The following ASCC3 variants were observed in gnomAD, a reference collection of about 807,000 sequenced individuals.
ASCC3 encodes activating signal cointegrator 1 complex subunit 3, also known as ASC-1 complex subunit P200.
In ASCC3, 158 loss-of-function variants were observed where a neutral mutation model predicts 256.3. The observed-to-expected ratio is 0.62, with a 90% CI of 0.54 to 0.70. ASCC3 has a LOEUF of 0.70. ASCC3 is among the 30% of genes least tolerant of loss of function. The pLI is 0.00. For synonymous variants in ASCC3, 948 were observed against 883.4 expected, an observed-to-expected ratio of 1.07 and a Z score of -1.30; for missense variants, 2,259 against 2,626.0, an observed-to-expected ratio of 0.86 and a Z score of 3.05.
chr6:100,766,909 G>A (rs886333771), intron 9 of ASCC3, among the ~76,000 whole-genome samples: 2 of 152,264 alleles, frequency 1.3e-5, no homozygotes, highest in Non-Finnish European at 2.9e-5. Flanking sequence ...TGTTTACACA[G>A]CTACATCACT....
In ASCC3 at chr6:100,841,594, T is replaced by C. The variant is rs188838206; in HGVS notation, c.801+6554A>G. Among the ~76,000 whole-genome samples the C allele has an allele frequency of 3.0e-4, 45 of 152,198 alleles. No homozygotes were observed. The East Asian group carries it at 7.7e-3, about 26-fold the overall frequency. On this transcript the variant is annotated intron_variant, in intron 4 of 41. Coordinates refer to ENST00000369162, the MANE Select transcript of ASCC3 (RefSeq NM_006828.4). ...AGATGATGGGGAAAAGCATTCTACA[T>C]GTCAGTACTATTAGAACACTAAACA...
chr6:100,711,465 G>A (rs1179880042), intron 13 of ASCC3, among the ~76,000 whole-genome samples: 10 of 152,166 alleles, frequency 6.6e-5, no homozygotes, highest in African/African-American at 1.4e-4. Context: ...GGTGGCTCAC[G>A]CCTGTAATCC....
chr6:100,586,238 A>C (rs533343885), intron 36 of ASCC3, among the ~76,000 whole-genome samples: 185 of 152,296 alleles, frequency 1.2e-3, no homozygotes, highest in African/African-American at 4.3e-3. Flanking sequence ...GGCTCCACCC[A>C]GTTCGAGCTT....
At chr6:100,569,533 C>T (rs928694088) in intron 36 of ASCC3, among the ~76,000 whole-genome samples, 1 of 152,084 alleles carries the variant, frequency 6.6e-6, no homozygotes. Context: ...CAGGACCCCA[C>T]CAACATGCCA....
intron 13 of ASCC3, among the ~76,000 whole-genome samples, chr6:100,689,534 T>C (rs990688935): frequency 6.6e-6 from 1 of 152,216 alleles, no homozygotes; most frequent in Non-Finnish European, 1.5e-5. Context: ...GTCTACCTAC[T>C]ACCCTTCCTG....
intron 34 of ASCC3, among the ~76,000 whole-genome samples, chr6:100,598,855 C>A (rs1265965884): frequency 6.6e-6 from 1 of 152,276 alleles, no homozygotes; most frequent in East Asian, 1.9e-4. Context: ...TACTATCTGA[C>A]AGTTTACAAA....
At chr6:100,661,296 T>C (rs1433064859) in intron 16 of ASCC3, among the ~76,000 whole-genome samples, 9 of 142,462 alleles carry the variant, frequency 6.3e-5, no homozygotes, top group Non-Finnish European at 1.4e-4. Flanking sequence ...GCTTCCAGGG[T>C]CTGCTATGTA....
At position 100,689,688 on chromosome 6, in the gene ASCC3, A is replaced by G. The variant is rs200438079; in HGVS notation, c.2152-9936T>C. ...TTATAATAGCTTGTAGGCTGAGTTA[A>G]TACTTTCCATTCACACCTTTATTAA... On this transcript the variant is annotated intron_variant, in intron 13 of 41. Coordinates refer to ENST00000369162, the MANE Select transcript of ASCC3 (RefSeq NM_006828.4). Among the ~76,000 whole-genome samples, 4 of 152,202 alleles carry G rather than the reference A, an allele frequency of 2.6e-5. No individual in the cohort carries two copies. The East Asian group carries it at 7.7e-4, about 29-fold the overall frequency.
chr6:100,631,491 G>T (rs1774544059), intron 25 of ASCC3, among the ~76,000 whole-genome samples: 1 of 151,456 alleles, frequency 6.6e-6, no homozygotes, highest in Non-Finnish European at 1.5e-5. Flanking sequence ...AGCATCAGAG[G>T]TATTTTCCTC....
chr6:100,730,095 A>G (rs1478316960), intron 10 of ASCC3, among the ~76,000 whole-genome samples: 1 of 152,018 alleles, frequency 6.6e-6, no homozygotes, highest in African/African-American at 2.4e-5. Context: ...ACTTGAGGTC[A>G]GGAGTTTGAC....
chr6:100,875,557 A>ACC (rs1315217238), intron 1 of ASCC3, among the ~76,000 whole-genome samples: 1 of 152,176 alleles, frequency 6.6e-6, no homozygotes, highest in Non-Finnish European at 1.5e-5. Flanking sequence ...ATACATATAA[A>ACC]CAACATTTTG....
intron 10 of ASCC3, among the ~76,000 whole-genome samples, chr6:100,757,097 A>G (rs9390675): frequency 0.35 from 52,806 of 152,074 alleles, 10,777 homozygotes; most frequent in Middle Eastern, 0.53. Context: ...GTCCAATTTC[A>G]AAATTAAAAT....
intron 13 of ASCC3, among the ~76,000 whole-genome samples, chr6:100,685,464 A>C (rs1468830575): frequency 6.6e-6 from 1 of 152,190 alleles, no homozygotes; most frequent in Non-Finnish European, 1.5e-5. Context: ...CATCAGCAGC[A>C]GCAGCAGTGT....
Position 100,512,794 on chromosome 6 carries a change from T to A in ASCC3, c.6200A>T (p.Asp2067Val). Residue 2067 changes from aspartate (D) to valine (V), a missense_variant, in exon 40 of 42, where the codon GAT becomes GTT. This residue lies in a region of ASCC3 where 1,839 missense variants were observed against 2,206.7 expected (regional missense o/e 0.83). Coordinates refer to ENST00000369162, the MANE Select transcript of ASCC3 (RefSeq NM_006828.4). ...ATGCAATTTGATCCATTTGTTGTCA[T>A]CTCGTTTGTCTGCAGTCAGAGTTGA... ...SVSTLTADKR[D>V]DNKWIKLHAD... 6.2e-7 allele frequency: 1 copy of A among 1,614,154 alleles called. No individual in the cohort carries two copies.
chr6:100,585,305 C>A (rs1235169572), intron 36 of ASCC3, among the ~76,000 whole-genome samples: 1 of 152,098 alleles, frequency 6.6e-6, no homozygotes, highest in Non-Finnish European at 1.5e-5. Context: ...CTCTAAACTT[C>A]CCTTCTCGCT....
At chr6:100,773,637 A>G (rs1322209585) in intron 8 of ASCC3, among the ~76,000 whole-genome samples, 1 of 152,160 alleles carries the variant, frequency 6.6e-6, no homozygotes, top group Non-Finnish European at 1.5e-5. Context: ...TATTGAAATG[A>G]GTCTTTTATA....
At chr6:100,687,034 T>TCACACACACACA (rs71028030) in intron 13 of ASCC3, among the ~76,000 whole-genome samples, 20 of 130,550 alleles carry the variant, frequency 1.5e-4, no homozygotes, top group Admixed American at 4.0e-4. Flanking sequence ...TCTCTCTCTC[T>TCACACACACACA]CACACACACA....
At chr6:100,765,679 G>A (rs1368997871) in intron 10 of ASCC3, among the ~76,000 whole-genome samples, 1 of 152,282 alleles carries the variant, frequency 6.6e-6, no homozygotes, top group Middle Eastern at 3.4e-3. Flanking sequence ...CATGTCATCA[G>A]GATCTCCTGA....
intron 4 of ASCC3, among the ~76,000 whole-genome samples, chr6:100,843,519 C>T (rs1207103813): frequency 6.6e-6 from 1 of 152,134 alleles, no homozygotes; most frequent in Non-Finnish European, 1.5e-5. Flanking sequence ...GTATCTACAT[C>T]AGCATTAATA....
Sources: gnomAD v4.1 joint callset for allele counts (sites outside exome capture counted in the v4.1 genomes callset) on GRCh38, gnomAD v4.1.1 for gene constraint, gnomAD v4.1.1 regional missense constraint, MANE v1.5 for transcripts, NCBI Gene and HGNC (gene_info 2026-07-23, HGNC 2026-07-21) for gene names.